Variants in DPP10 observed in about 807,000 individuals in gnomAD.
DPP10 encodes the protein inactive dipeptidyl peptidase 10.
DPP10 carries 33 observed loss-of-function variants against 120.9 expected under a neutral mutation model. The ratio of observed to expected loss-of-function variants is 0.27; its 90% confidence interval spans 0.21 to 0.37. DPP10 has a LOEUF of 0.37. Ranked by LOEUF, DPP10 falls within the 10% of genes least tolerant of loss-of-function variation. The pLI is 1.00. For missense variants in DPP10, 816 were observed against 942.8 expected (o/e 0.87, Z 1.76); for synonymous variants, 337 against 326.1 (o/e 1.03, Z -0.36).
At chr2:114,788,416 C>T (rs928456164) in intron 1 of DPP10, among the ~76,000 whole-genome samples, 5 of 111,652 alleles carry the variant, frequency 4.5e-5, no homozygotes, top group African/African-American at 2.0e-4. Flanking sequence ...AGAACATGTA[C>T]ATTTTTTTTT....
intron 1 of DPP10, among the ~76,000 whole-genome samples, chr2:115,012,178 C>A (rs1001292789): frequency 2.6e-5 from 4 of 152,070 alleles, no homozygotes; most frequent in African/African-American, 9.7e-5. Context: ...TATCCCTGCC[C>A]CTACCCTGTG....
At chr2:114,639,256 G>A (rs999652776) in intron 1 of DPP10, among the ~76,000 whole-genome samples, 2 of 151,726 alleles carry the variant, frequency 1.3e-5, no homozygotes, top group African/African-American at 2.4e-5. Flanking sequence ...GCAGAGAAAC[G>A]CTCCTTTATA....
intron 3 of DPP10, among the ~76,000 whole-genome samples, chr2:115,375,657 T>C (rs1458154266): frequency 2.6e-5 from 4 of 152,168 alleles, no homozygotes; most frequent in Non-Finnish European, 5.9e-5. Context: ...GGATAATTTA[T>C]GAAGAAAAGA....
chr2:115,030,904 A>G (rs955053457), intron 1 of DPP10, among the ~76,000 whole-genome samples: 1 of 152,196 alleles, frequency 6.6e-6, no homozygotes, highest in African/African-American at 2.4e-5. Flanking sequence ...TTGACCCATT[A>G]CTGGGTATAT....
intron 1 of DPP10, among the ~76,000 whole-genome samples, chr2:114,785,656 G>A (rs771163269): frequency 2.0e-5 from 3 of 152,154 alleles, no homozygotes; most frequent in Non-Finnish European, 4.4e-5. Flanking sequence ...AAGATTTACT[G>A]TAGAGGCAAT....
chr2:115,629,432 A>G (rs1398419137), intron 5 of DPP10, among the ~76,000 whole-genome samples: 4 of 152,176 alleles, frequency 2.6e-5, no homozygotes, highest in East Asian at 1.9e-4. Context: ...AGTCCCACCA[A>G]CAGTGTAAAA....
chr2:115,560,804 A>T (rs985809279), intron 5 of DPP10, among the ~76,000 whole-genome samples: 2 of 152,050 alleles, frequency 1.3e-5, no homozygotes, highest in African/African-American at 4.8e-5. Context: ...TGTGGTCATT[A>T]TGACCATTAA....
intron 1 of DPP10, among the ~76,000 whole-genome samples, chr2:114,773,532 A>G (rs1488228884): frequency 9.2e-5 from 14 of 152,208 alleles, no homozygotes; most frequent in Admixed American, 9.2e-4. Context: ...TTCACACACA[A>G]TGCAGACTCA....
chr2:115,097,531 G>A (rs998729391), intron 1 of DPP10, among the ~76,000 whole-genome samples: 3 of 151,994 alleles, frequency 2.0e-5, no homozygotes, highest in Non-Finnish European at 4.4e-5. Context: ...AACATGACCT[G>A]GAATCCCTAC....
intron 3 of DPP10, among the ~76,000 whole-genome samples, chr2:115,410,524 G>A (rs2104573919): frequency 6.6e-6 from 1 of 152,310 alleles, no homozygotes; most frequent in South Asian, 2.1e-4. Context: ...TGGATGTTGG[G>A]CTGAATACCT....
At chr2:115,581,083 G>A (rs903083514) in intron 5 of DPP10, among the ~76,000 whole-genome samples, 2 of 152,162 alleles carry the variant, frequency 1.3e-5, no homozygotes, top group Admixed American at 6.5e-5. Context: ...CGTCTAGTCA[G>A]CTGGGAGAAA....
intron 1 of DPP10, among the ~76,000 whole-genome samples, chr2:115,167,323 A>T (rs1214936372): frequency 6.6e-6 from 1 of 151,842 alleles, no homozygotes; most frequent in Non-Finnish European, 1.5e-5. Context: ...ACACTTTGGG[A>T]GGCTGAGATA....
chr2:115,187,019 CTTTTTTTTTTTTTTTT>C (rs147014349), intron 1 of DPP10, among the ~76,000 whole-genome samples: 126 of 63,180 alleles, frequency 2.0e-3, no homozygotes, highest in Non-Finnish European at 3.5e-3. Context: ...TGCAAAGATT[CTTTTTTTTTTTTTTTT>C]TTTTTTTTTT....
chr2:114,579,105 G>C (rs972489933), intron 1 of DPP10, among the ~76,000 whole-genome samples: 2 of 152,188 alleles, frequency 1.3e-5, no homozygotes, highest in African/African-American at 4.8e-5. Context: ...TCAGCTAGCA[G>C]CTATAGAGGA....
chr2:114,928,390 C>A (rs945782138), intron 1 of DPP10, among the ~76,000 whole-genome samples: 7 of 152,192 alleles, frequency 4.6e-5, no homozygotes, highest in African/African-American at 1.7e-4. Context: ...AGGCCCCACA[C>A]AAGTCTGAAA....
chr2:115,468,396 T>C, intron 3 of DPP10: 1 of 496,148 alleles, frequency 2.0e-6, no homozygotes. Flanking sequence ...CCTGGCAGCC[T>C]TTCAGGAGCC....
At chr2:115,091,076 T>C (rs191525959) in intron 1 of DPP10, among the ~76,000 whole-genome samples, 1 of 152,304 alleles carries the variant, frequency 6.6e-6, no homozygotes, top group Admixed American at 6.5e-5. Context: ...CTCACAACAA[T>C]GTTCTGTGAT....
intron 1 of DPP10, among the ~76,000 whole-genome samples, chr2:114,954,449 G>T (rs893377850): frequency 6.6e-6 from 1 of 152,008 alleles, no homozygotes; most frequent in Non-Finnish European, 1.5e-5. Context: ...AAAACTTATG[G>T]CATGGAGCAA....
intron 1 of DPP10, among the ~76,000 whole-genome samples, chr2:115,017,702 T>C (rs897383378): frequency 1.3e-5 from 2 of 151,992 alleles, no homozygotes; most frequent in African/African-American, 2.4e-5. Context: ...ATGTCCTTCA[T>C]AGGGACATGG....
Sources: gnomAD v4.1 joint callset for allele counts (sites outside exome capture counted in the v4.1 genomes callset) on GRCh38, gnomAD v4.1.1 for gene constraint, MANE v1.5 for transcripts, NCBI Gene and HGNC (gene_info 2026-07-23, HGNC 2026-07-21) for gene names.